Variants in PARD3B observed in about 807,000 individuals in gnomAD.
The protein encoded by PARD3B is partitioning defective 3 homolog B.
Under a neutral mutation model 130.2 loss-of-function variants are expected in PARD3B, and 103 were observed. That is an observed-to-expected ratio of 0.79 (90% CI 0.67 to 0.93). PARD3B has a LOEUF of 0.93. Ranked by LOEUF, PARD3B falls within the 40% of genes least tolerant of loss-of-function variation. The pLI is 0.00. For synonymous variants in PARD3B, 583 were observed against 553.2 expected (o/e 1.05, Z -0.76); for missense variants, 1,609 against 1,499.2 (o/e 1.07, Z -1.21).
intron 10 of PARD3B, among the ~76,000 whole-genome samples, chr2:205,137,366 T>G (rs1057319060): frequency 3.3e-5 from 5 of 152,072 alleles, no homozygotes. Flanking sequence ...GAAAGAAAAC[T>G]GCAGAAAAGG....
At chr2:205,605,269 G>A (rs547767588) in intron 22 of PARD3B, among the ~76,000 whole-genome samples, 59 of 152,240 alleles carry the variant, frequency 3.9e-4, no homozygotes, top group Non-Finnish European at 8.8e-5. Flanking sequence ...TGTTACAATC[G>A]TTTGGAGGAA....
intron 1 of PARD3B, among the ~76,000 whole-genome samples, chr2:204,615,499 C>A (rs76586171): frequency 0.018 from 2,810 of 152,282 alleles, 82 homozygotes; most frequent in African/African-American, 0.064. Context: ...ATTTGCTTAT[C>A]ACCATCAGTC....
chr2:205,325,522 T>TTTA lies in PARD3B; in HGVS notation c.2630+23825_2630+23827dup, dbSNP rs1393790845. Among the ~76,000 whole-genome samples, 419 of 55,378 alleles carry TTTA rather than the reference T, an allele frequency of 7.6e-3. 4 individuals carry two copies. Among genetic ancestry groups the TTTA allele is most frequent in the East Asian group, 0.051 (157 of 3,078 alleles). The allele number at this position is 55,378 out of a possible 152,430, so 36.3% of individuals were successfully genotyped here. A position where few individuals can be genotyped will look rare whatever the true frequency, so the allele number is the denominator to read the frequency against. Reference sequence around the variant, plus strand: ...ATAGTTTACTAATATCATCTCATTGTTTATTAGTAGTAGTAGTAGTAGTAG... The same window carrying TTTA: ...ATAGTTTACTAATATCATCTCATTGTTTATTATTAGTAGTAGTAGTAGTAGTAG... On this transcript the variant is annotated intron_variant, in intron 18 of 22. Transcript: ENST00000406610. This position sits in a 1 kb window ranked among gnomAD's most constrained non-coding sequence, Gnocchi z 4.1.
intron 20 of PARD3B, among the ~76,000 whole-genome samples, chr2:205,457,139 G>GT (rs2106213813): frequency 6.6e-6 from 1 of 151,736 alleles, no homozygotes; most frequent in South Asian, 2.1e-4. Flanking sequence ...TTTTTATGAG[G>GT]TTTTTAATTA....
In PARD3B at chr2:204,650,498, A is replaced by T. The variant is rs113985443; in HGVS notation, c.121-35683A>T. 6.8e-3 allele frequency among the ~76,000 whole-genome samples: 1,039 copies of T among 152,316 alleles called. 8 individuals are homozygous for T. The highest frequency in any genetic ancestry group is 0.031 in the Middle Eastern group (9 of 294). On this transcript the variant is annotated intron_variant, in intron 1 of 22. Transcript: ENST00000406610. Reference sequence around the variant, plus strand: ...AACAGCAAAGACATGGAATCAACCTAAATGCCCATCAATAATAGACTGGAT... The same window carrying T: ...AACAGCAAAGACATGGAATCAACCTTAATGCCCATCAATAATAGACTGGAT...
At chr2:205,508,238 C>A (rs2050450403) in intron 21 of PARD3B, among the ~76,000 whole-genome samples, 1 of 152,074 alleles carries the variant, frequency 6.6e-6, no homozygotes, top group Non-Finnish European at 1.5e-5. Flanking sequence ...TTCTTAAAAC[C>A]TTTAGAAGGT....
chr2:204,974,415 C>T (rs1426578811), intron 3 of PARD3B, among the ~76,000 whole-genome samples: 1 of 152,068 alleles, frequency 6.6e-6, no homozygotes, highest in Admixed American at 6.5e-5. Flanking sequence ...ATAATATTTA[C>T]TAAAATAAGC....
intron 7 of PARD3B, among the ~76,000 whole-genome samples, chr2:205,120,614 C>T (rs115669882): frequency 0.012 from 1,874 of 152,286 alleles, 37 homozygotes; most frequent in African/African-American, 0.043. Flanking sequence ...GTTAGTGCGG[C>T]AGCTGCACAG....
chr2:205,201,728 T>C (rs1389079296), intron 15 of PARD3B, among the ~76,000 whole-genome samples: 2 of 152,130 alleles, frequency 1.3e-5, no homozygotes, highest in African/African-American at 2.4e-5. Context: ...TCCCAGCTAC[T>C]TGGGAGGCTG....
intron 18 of PARD3B, among the ~76,000 whole-genome samples, chr2:205,337,355 G>T (rs926661745): frequency 2.6e-5 from 4 of 152,136 alleles, no homozygotes; most frequent in Non-Finnish European, 5.9e-5. Flanking sequence ...CTAAGTAACT[G>T]TTCATAGATG....
intron 19 of PARD3B, among the ~76,000 whole-genome samples, chr2:205,432,666 A>C (rs2106133274): frequency 6.6e-6 from 1 of 152,246 alleles, no homozygotes; most frequent in Admixed American, 6.5e-5. Context: ...CCTTTAAATA[A>C]AATTAATTTA....
chr2:204,680,924 TTTG>T (rs2036797409), intron 1 of PARD3B, among the ~76,000 whole-genome samples: 2 of 152,140 alleles, frequency 1.3e-5, no homozygotes, highest in Non-Finnish European at 2.9e-5. Flanking sequence ...GGTTACACTA[TTTG>T]TGTGTGTGTG....
At chr2:205,449,049 C>T (rs1206194283) in intron 20 of PARD3B, among the ~76,000 whole-genome samples, 3 of 151,484 alleles carry the variant, frequency 2.0e-5, no homozygotes, top group African/African-American at 7.3e-5. Context: ...GCCTGTAATC[C>T]CAGCTACTTG....
Position 204,563,240 on chromosome 2 carries a change from T to TCTCC in PARD3B, c.120+17124_120+17125insCCTC, listed in dbSNP as rs1167215045. Among the ~76,000 whole-genome samples the TCTCC allele has an allele frequency of 1.9e-4, 28 of 148,424 alleles. No individual in the cohort carries two copies. In the East Asian group the frequency reaches 5.6e-3, roughly 30 times the overall value. On this transcript the variant is annotated intron_variant, in intron 1 of 22. Coordinates refer to ENST00000406610, the MANE Select transcript of PARD3B (RefSeq NM_001302769.2). ...CTGTCTCTCTCTCTCTCTCTCTCTC[T>TCTCC]CTCTCTCTCTCTCTCTCTCTCTCTC...
At chr2:205,434,803 T>C (rs2106140578) in intron 19 of PARD3B, among the ~76,000 whole-genome samples, 1 of 152,102 alleles carries the variant, frequency 6.6e-6, no homozygotes, top group East Asian at 1.9e-4. Flanking sequence ...GAAATAAAGA[T>C]GCCTTTTGGT....
intron 4 of PARD3B, among the ~76,000 whole-genome samples, chr2:205,073,578 G>C (rs904307191): frequency 2.0e-5 from 3 of 152,142 alleles, no homozygotes; most frequent in Admixed American, 1.3e-4. Context: ...GCAGAAACTG[G>C]TAGAAATTAG....
chr2:205,543,338 T>C (rs138198120), intron 21 of PARD3B, among the ~76,000 whole-genome samples: 266 of 152,304 alleles, frequency 1.7e-3, no homozygotes, highest in Non-Finnish European at 3.2e-3. Flanking sequence ...TATATACAAA[T>C]ATTAATGCCT....
chr2:204,968,704 A>T (rs550231375), intron 3 of PARD3B, among the ~76,000 whole-genome samples: 1 of 152,232 alleles, frequency 6.6e-6, no homozygotes, highest in Non-Finnish European at 1.5e-5. Flanking sequence ...GACCTTCTTC[A>T]TGAAGCCTTG....
chr2:204,569,552 G>A (rs1322674331), intron 1 of PARD3B, among the ~76,000 whole-genome samples: 3 of 152,202 alleles, frequency 2.0e-5, no homozygotes, highest in Admixed American at 6.5e-5. Context: ...TCATGGGCTA[G>A]GCGGTGTCCA....
Sources: gnomAD v4.1 joint callset for allele counts (sites outside exome capture counted in the v4.1 genomes callset) on GRCh38, gnomAD v4.1.1 for gene constraint, Gnocchi (gnomAD v3.1) non-coding constraint, MANE v1.5 for transcripts, NCBI Gene and HGNC (gene_info 2026-07-23, HGNC 2026-07-21) for gene names.